FYCO1: variants seen among roughly 807,000 people sequenced by gnomAD.
FYCO1 encodes the protein FYVE and coiled-coil domain autophagy adaptor 1, also known as FYVE and coiled-coil domain-containing protein 1.
A neutral mutation model predicts 165.1 loss-of-function variants in FYCO1; 122 were observed. The observed-to-expected ratio is 0.74, with a 90% confidence interval of 0.64 to 0.86. The LOEUF (loss-of-function observed/expected upper bound fraction) is 0.86, where lower values mean the gene tolerates loss of function less well. FYCO1 is among the 40% of genes least tolerant of loss of function. The probability of loss-of-function intolerance (pLI) is 0.00; values close to 1 mark genes in which losing one functional copy is unlikely to be tolerated. For missense variants in FYCO1, 1,702 were observed against 1,810.3 expected (o/e 0.94, Z 1.09); for synonymous variants, 648 against 742.5 (o/e 0.87, Z 2.07).
intron 8 of FYCO1, among the ~76,000 whole-genome samples, chr3:45,965,352 A>C (rs1239699775): frequency 6.6e-6 from 1 of 152,246 alleles, no homozygotes; most frequent in Non-Finnish European, 1.5e-5. Flanking sequence ...GCAAGGGAAA[A>C]AGTTGGCTAT....
In FYCO1 at chr3:45,969,908, C is replaced by T. The variant is rs924683805; in HGVS notation, c.540-143G>A. 8.1e-5 allele frequency: 50 copies of T among 618,504 alleles called. No homozygotes were observed. In the African/African-American group the frequency reaches 8.2e-4, roughly 10 times the overall value. The allele number at this position is 618,504 out of a possible 1,614,324, so 38.3% of individuals were successfully genotyped here. A position where few individuals can be genotyped will look rare whatever the true frequency, so the allele number is the denominator to read the frequency against. On this transcript the variant is annotated intron_variant, in intron 6 of 17. Transcript: ENST00000296137. ...TAAGAAAGTCAAAGCCAACAGATTC[C>T]ACCAAAGAGCACAGCTACACTGGTC...
At chr3:45,922,762 G>A (rs537042626) in intron 17 of FYCO1, among the ~76,000 whole-genome samples, 1 of 152,298 alleles carries the variant, frequency 6.6e-6, no homozygotes, top group Non-Finnish European at 1.5e-5. Context: ...GAGGTGGTGA[G>A]GGGATGACTC....
At chr3:45,965,204 G>T in intron 8 of FYCO1, 79 bp from the exon 9 acceptor site, 1 of 1,104,208 alleles carries the variant, frequency 9.1e-7, no homozygotes, top group Non-Finnish European at 1.4e-6. Context: ...CACCCAAACA[G>T]ATAAAACCAA....
intron 16 of FYCO1, among the ~76,000 whole-genome samples, chr3:45,929,072 C>A (rs1340342808): frequency 6.6e-6 from 1 of 152,228 alleles, no homozygotes; most frequent in Non-Finnish European, 1.5e-5. Flanking sequence ...CGGGGAGTCC[C>A]CGGGATAGAT....
chr3:45,981,459 G>C (rs1187221015), intron 3 of FYCO1, 111 bp downstream of exon 3: 46 of 738,954 alleles, frequency 6.2e-5, no homozygotes, highest in Non-Finnish European at 1.1e-4. Context: ...AACCACGAGG[G>C]CTTACTGGCT....
At chr3:45,950,774 T>C (rs1438061206) in intron 14 of FYCO1, among the ~76,000 whole-genome samples, 1 of 152,184 alleles carries the variant, frequency 6.6e-6, no homozygotes, top group Non-Finnish European at 1.5e-5. Flanking sequence ...TGCCCAGAAA[T>C]GTTGGCTCCA....
At chr3:45,935,050 T>C (rs1408764859) in intron 15 of FYCO1, among the ~76,000 whole-genome samples, 1 of 152,182 alleles carries the variant, frequency 6.6e-6, no homozygotes, top group Non-Finnish European at 1.5e-5. Flanking sequence ...AATATAGTGT[T>C]TGTCCAAGTG....
intron 14 of FYCO1, chr3:45,946,445 G>A: frequency 6.4e-7 from 1 of 1,553,972 alleles, no homozygotes; most frequent in Non-Finnish European, 8.8e-7. Flanking sequence ...TATAATTCCT[G>A]GGTTCTGACT....
chr3:45,972,635 C>G (rs1397806734), intron 6 of FYCO1, among the ~76,000 whole-genome samples: 1 of 152,136 alleles, frequency 6.6e-6, no homozygotes, highest in Non-Finnish European at 1.5e-5. Context: ...ATATGGCTGG[C>G]TTGATGGCCT....
intron 14 of FYCO1, among the ~76,000 whole-genome samples, chr3:45,944,165 T>C (rs978615040): frequency 1.3e-5 from 2 of 151,318 alleles, no homozygotes; most frequent in Non-Finnish European, 2.9e-5. Context: ...CTCCCAGAAT[T>C]GTAGGGGTGT....
chr3:45,972,883 A>C (rs1279317074), intron 6 of FYCO1, among the ~76,000 whole-genome samples: 1 of 152,224 alleles, frequency 6.6e-6, no homozygotes, highest in Non-Finnish European at 1.5e-5. Context: ...TGCCCTGGCC[A>C]GTTAAGTTGG....
chr3:45,931,395 C>G (rs1179803106), intron 15 of FYCO1, 114 bp from the exon 16 acceptor site: 1 of 971,594 alleles, frequency 1.0e-6, no homozygotes. Flanking sequence ...CTTGAGAGGA[C>G]AAGCCCTGGG....
intron 16 of FYCO1, among the ~76,000 whole-genome samples, chr3:45,928,917 A>G (rs77709797): frequency 0.15 from 22,524 of 152,294 alleles, 2,108 homozygotes; most frequent in East Asian, 0.29. Flanking sequence ...TACAGAGTCC[A>G]GTATACAGGA....
At chr3:45,947,006 C>A in intron 14 of FYCO1, 1 of 1,614,220 alleles carries the variant, frequency 6.2e-7, no homozygotes. Flanking sequence ...TCTTTAATCT[C>A]GACAAGCTCA....
intron 14 of FYCO1, chr3:45,946,925 C>T (rs1704653280): frequency 6.2e-7 from 1 of 1,614,090 alleles, no homozygotes; most frequent in Non-Finnish European, 8.5e-7. Context: ...TGACCTGGGG[C>T]AAGGTCACCA....
intron 5 of FYCO1, among the ~76,000 whole-genome samples, chr3:45,975,012 T>C (rs954072353): frequency 6.6e-6 from 1 of 152,110 alleles, no homozygotes; most frequent in Non-Finnish European, 1.5e-5. Context: ...GAGAAAAGCA[T>C]TAAGCCCCTC....
chr3:45,945,329 G>A (rs1353486185), intron 14 of FYCO1: 1 of 152,266 alleles, frequency 6.6e-6, no homozygotes, highest in Non-Finnish European at 1.5e-5. Flanking sequence ...ATGAGCTGCT[G>A]CATGTTGAGT....
At position 45,966,210 on chromosome 3, in the gene FYCO1, T is replaced by C. The variant is rs1994490; in HGVS notation, c.3057+67A>G. 833,454 of 1,543,030 alleles carry C rather than the reference T, an allele frequency of 0.54. 231,514 individuals carry two copies. Among genetic ancestry groups the C allele is most frequent in the South Asian group, 0.7 (61,983 of 89,054 alleles). ...CCTGCCTCATGGCTAAAGGTGCATC[T>C]TCCCATGGACCCACCAGGCCTGCCC... On this transcript the variant is annotated intron_variant, in intron 8 of 17. Coordinates refer to ENST00000296137, the MANE Select transcript of FYCO1 (RefSeq NM_024513.4).
chr3:45,992,403 C>T (rs1432456563), intron 1 of FYCO1, among the ~76,000 whole-genome samples: 2 of 152,150 alleles, frequency 1.3e-5, no homozygotes, highest in African/African-American at 4.8e-5. Context: ...GAGCAATGAG[C>T]AAGATATTTT....
Sources: gnomAD v4.1 joint callset for allele counts (sites outside exome capture counted in the v4.1 genomes callset) on GRCh38, gnomAD v4.1.1 for gene constraint, MANE v1.5 for transcripts, NCBI Gene and HGNC (gene_info 2026-07-23, HGNC 2026-07-21) for gene names.